KIF16B: variants seen among roughly 807,000 people sequenced by gnomAD.
The protein encoded by KIF16B is kinesin family member 16B.
Under a neutral mutation model 156.3 loss-of-function variants are expected in KIF16B, and 98 were observed. That is an observed-to-expected ratio of 0.63 (90% CI 0.53 to 0.74). KIF16B has a LOEUF of 0.74. Ranked by LOEUF, KIF16B falls within the 30% of genes least tolerant of loss-of-function variation. The pLI is 0.00. For synonymous variants in KIF16B, 564 were observed against 583.7 expected, an observed-to-expected ratio of 0.97 and a Z score of 0.49; for missense variants, 1,421 against 1,606.5, an observed-to-expected ratio of 0.88 and a Z score of 1.97.
intron 12 of KIF16B, among the ~76,000 whole-genome samples, chr20:16,455,273 T>C (rs2067184855): frequency 6.6e-6 from 1 of 152,006 alleles, no homozygotes; most frequent in African/African-American, 2.4e-5. Flanking sequence ...CTTAAACTTC[T>C]AGGCTCAAGT....
intron 12 of KIF16B, among the ~76,000 whole-genome samples, chr20:16,459,935 T>C (rs1214627400): frequency 6.6e-6 from 1 of 152,212 alleles, no homozygotes; most frequent in Admixed American, 6.5e-5. Flanking sequence ...CAAATGCATG[T>C]ATGTCTCATG....
At chr20:16,543,750 C>T (rs1465341561) in intron 1 of KIF16B, among the ~76,000 whole-genome samples, 4 of 152,140 alleles carry the variant, frequency 2.6e-5, no homozygotes, top group African/African-American at 9.7e-5. Context: ...CAAGCTGAGG[C>T]TCAAGGAATG....
At chr20:16,302,179 T>C (rs991141222) in intron 25 of KIF16B, among the ~76,000 whole-genome samples, 2 of 152,202 alleles carry the variant, frequency 1.3e-5, no homozygotes, top group Non-Finnish European at 2.9e-5. Context: ...TGGTGTTGTA[T>C]CTAAAAAGTT....
chr20:16,551,926 AAAG>A (rs367966489), intron 1 of KIF16B, among the ~76,000 whole-genome samples: 4 of 152,170 alleles, frequency 2.6e-5, no homozygotes, highest in African/African-American at 7.2e-5. Context: ...ACATCATTTC[AAAG>A]AAGGAGGGTG....
intron 12 of KIF16B, among the ~76,000 whole-genome samples, chr20:16,480,002 G>T (rs180689107): frequency 6.6e-5 from 10 of 152,314 alleles, no homozygotes; most frequent in African/African-American, 1.9e-4. Context: ...GAGGAGTACT[G>T]CCAGAAGGGG....
chr20:16,430,481 C>A (rs79449394), intron 12 of KIF16B, among the ~76,000 whole-genome samples: 2,864 of 152,188 alleles, frequency 0.019, 95 homozygotes, highest in African/African-American at 0.065. Flanking sequence ...CCCTGCTATA[C>A]ATTAATATGA....
intron 12 of KIF16B, among the ~76,000 whole-genome samples, chr20:16,481,347 C>T (rs909073742): frequency 2.6e-5 from 4 of 152,056 alleles, no homozygotes; most frequent in Non-Finnish European, 5.9e-5. Context: ...AGGCGTATGC[C>T]ACCTGTCTGG....
At position 16,300,586 on chromosome 20, in the gene KIF16B, C is replaced by A. The variant is rs188535447; in HGVS notation, c.3795+11749G>T. Among the ~76,000 whole-genome samples the A allele has an allele frequency of 2.4e-3, 366 of 151,992 alleles. 1 individual carries two copies. The highest frequency in any genetic ancestry group is 3.9e-3 in the Non-Finnish European group (263 of 67,962). On this transcript the variant is annotated intron_variant, in intron 25 of 25. Transcript: ENST00000354981. ...TGGAGGAAGGATAGAAGTGAAAGAG[C>A]AATTAAGAGAGAAAAGGAGGAAAGG...
intron 21 of KIF16B, among the ~76,000 whole-genome samples, chr20:16,371,093 T>A (rs1431118733): frequency 2.0e-5 from 3 of 150,718 alleles, no homozygotes; most frequent in African/African-American, 7.2e-5. Flanking sequence ...GACTTTATAA[T>A]CACTTAAAAG....
intron 15 of KIF16B, among the ~76,000 whole-genome samples, chr20:16,421,798 A>C (rs1331038874): frequency 6.6e-6 from 1 of 152,164 alleles, no homozygotes; most frequent in Non-Finnish European, 1.5e-5. Flanking sequence ...TGTTAATTTC[A>C]TTAACAGTGA....
chr20:16,308,914 A>T (rs1243946500), intron 25 of KIF16B, among the ~76,000 whole-genome samples: 1 of 152,222 alleles, frequency 6.6e-6, no homozygotes, highest in African/African-American at 2.4e-5. Flanking sequence ...TCTATCTGCC[A>T]ACACATGTCT....
chr20:16,354,803 G>A (rs2064405565), intron 23 of KIF16B, among the ~76,000 whole-genome samples: 2 of 152,124 alleles, frequency 1.3e-5, no homozygotes. Flanking sequence ...AAAGTCAGCC[G>A]GACGTGGTGG....
intron 25 of KIF16B, among the ~76,000 whole-genome samples, chr20:16,300,748 AC>A (rs1354481432): frequency 2.0e-5 from 3 of 152,098 alleles, no homozygotes; most frequent in African/African-American, 7.2e-5. Flanking sequence ...AGAACACTTT[AC>A]CCCCCAAATA....
Position 16,378,792 on chromosome 20 carries a change from T to G in KIF16B, c.3197+13A>C, listed in dbSNP as rs1392086235. 1.3e-6 allele frequency: 2 copies of G among 1,582,880 alleles called. No individual in the cohort carries two copies. The highest frequency in any genetic ancestry group is 4.5e-5 in the East Asian group (2 of 44,504). On this transcript the variant is annotated intron_variant, in intron 19 of 25. Transcript: ENST00000354981. ...CACCCACTGTATGCCACACCCTTCC[T>G]TCCCAATCTCACCTCTCCTGGTCCT...
intron 17 of KIF16B, 148 bp from the exon 18 acceptor site, chr20:16,381,895 ATT>A (rs2065105996): frequency 5.1e-6 from 4 of 786,042 alleles, no homozygotes; most frequent in Non-Finnish European, 7.9e-6. Flanking sequence ...TTTAAAATGC[ATT>A]CTTTGCTTTA....
At chr20:16,545,176 C>T (rs905478685) in intron 1 of KIF16B, among the ~76,000 whole-genome samples, 4 of 152,074 alleles carry the variant, frequency 2.6e-5, no homozygotes, top group African/African-American at 4.8e-5. Context: ...CGGCTGTGCA[C>T]GTGGCCAAAC....
At chr20:16,409,119 G>C (rs2065858005) in intron 15 of KIF16B, among the ~76,000 whole-genome samples, 1 of 151,994 alleles carries the variant, frequency 6.6e-6, no homozygotes, top group African/African-American at 2.4e-5. Context: ...CTGTGTCCTG[G>C]GCTCAAAGAG....
At chr20:16,520,784 G>A (rs755361300) in intron 3 of KIF16B, among the ~76,000 whole-genome samples, 21 of 152,144 alleles carry the variant, frequency 1.4e-4, no homozygotes, top group Non-Finnish European at 2.4e-4. Flanking sequence ...GGAGAGCTCC[G>A]GGTGGCATCT....
At chr20:16,531,682 T>C (rs2069755382) in intron 1 of KIF16B, among the ~76,000 whole-genome samples, 1 of 152,146 alleles carries the variant, frequency 6.6e-6, no homozygotes, top group African/African-American at 2.4e-5. Context: ...GCAGGGTAAA[T>C]GACTCAGCAT....
Sources: gnomAD v4.1 joint callset for allele counts (sites outside exome capture counted in the v4.1 genomes callset) on GRCh38, gnomAD v4.1.1 for gene constraint, MANE v1.5 for transcripts, NCBI Gene and HGNC (gene_info 2026-07-23, HGNC 2026-07-21) for gene names.